ZNF624: variants seen among roughly 807,000 people sequenced by gnomAD.
The protein encoded by ZNF624 is zinc finger protein 624.
In ZNF624, 43 loss-of-function variants were observed where a neutral mutation model predicts 74.7. The ratio of observed to expected loss-of-function variants is 0.58; its 90% CI spans 0.45 to 0.74. The LOEUF is 0.74. ZNF624 is among the 30% of genes least tolerant of loss of function. The pLI is 0.00. For synonymous variants in ZNF624, 331 were observed against 341.3 expected (o/e 0.97, Z 0.33); for missense variants, 820 against 1,030.0 (o/e 0.80, Z 2.79).
At position 16,623,868 on chromosome 17, in the gene ZNF624, C is replaced by A. The variant is rs745711921; in HGVS notation, c.1018G>T (p.Ala340Ser). The part of the protein sequence containing the change: ...KPYKCNECGK[A>S]FIASSSLMVH... ...ATAAGTGATGAAGAAGCAATGAAGG[C>A]CTTTCCACATTCATTACATTTATAG... The change falls in exon 6 of 6, where the codon GCC (alanine) becomes TCC (serine). Residue 340 changes from alanine to serine, a missense_variant. Transcript: ENST00000311331. This position sits in a 1 kb window ranked among gnomAD's most constrained non-coding sequence, Gnocchi z 5.3. The A allele has an allele frequency of 6.2e-7, 1 of 1,613,896 alleles. No individual in the cohort carries two copies. The highest frequency in any genetic ancestry group is 1.1e-5 in the South Asian group (1 of 91,042).
chr17:16,626,718 C>T (rs1336372158), intron 5 of ZNF624, among the ~76,000 whole-genome samples: 2 of 152,190 alleles, frequency 1.3e-5, no homozygotes, highest in African/African-American at 2.4e-5. Flanking sequence ...CATCACTGCA[C>T]TACAGCCTGG....
In ZNF624 at chr17:16,629,272, A is replaced by C. The variant is rs1909151752; in HGVS notation, c.376+4590T>G. ...TAAACAGTGTCTTGCTCTGTCACCC[A>C]GGCTGGAGTGCAGTGGATTGGATTA... On this transcript the variant is annotated intron_variant, in intron 5 of 5. Transcript: ENST00000311331. 3.4e-5 allele frequency among the ~76,000 whole-genome samples: 5 copies of C among 145,420 alleles called. No homozygotes were observed. The Admixed American group carries it at 3.4e-4, about 10-fold the overall frequency.
chr17:16,653,543 G>C (rs1466372177), intron 1 of ZNF624: 1 of 152,364 alleles, frequency 6.6e-6, no homozygotes, highest in South Asian at 2.1e-4. Flanking sequence ...CGGACTAGGA[G>C]GCCGCATAGG....
At chr17:16,644,141 T>C (rs1172719966) in intron 3 of ZNF624, among the ~76,000 whole-genome samples, 1 of 152,202 alleles carries the variant, frequency 6.6e-6, no homozygotes, top group East Asian at 1.9e-4. Context: ...CCTGAGGCCC[T>C]CACAAGATGC....
intron 3 of ZNF624, 27 bp from the exon 4 acceptor site, chr17:16,634,783 A>C: frequency 6.3e-7 from 1 of 1,595,714 alleles, no homozygotes; most frequent in Non-Finnish European, 8.5e-7. Flanking sequence ...GTGATCACTT[A>C]GAAACTATAC....
downstream of ZNF624, chr17:16,617,776 C>G: frequency 6.2e-7 from 1 of 1,610,960 alleles, no homozygotes. Flanking sequence ...AAGCCGTAGC[C>G]ATTTTTGAGG....
intron 5 of ZNF624, among the ~76,000 whole-genome samples, chr17:16,625,791 G>T (rs201064908): frequency 6.6e-6 from 1 of 151,804 alleles, no homozygotes; most frequent in Admixed American, 6.6e-5. Context: ...GTGGGATACT[G>T]GTCTTACAAT....
chr17:16,646,323 A>G (rs1006939304), intron 3 of ZNF624, among the ~76,000 whole-genome samples: 1 of 152,234 alleles, frequency 6.6e-6, no homozygotes, highest in African/African-American at 2.4e-5. Flanking sequence ...TTAAAAAATC[A>G]TTTCAAAAAT....
At chr17:16,615,190 C>T in the ZNF624 span, among the ~76,000 whole-genome samples, 1 of 152,124 alleles carries the variant, frequency 6.6e-6, no homozygotes, top group African/African-American at 2.4e-5. Context: ...CTCCGCCTCC[C>T]GGGTTCAGGC....
the ZNF624 span, among the ~76,000 whole-genome samples, chr17:16,615,161 G>A: frequency 6.6e-6 from 1 of 152,092 alleles, no homozygotes; most frequent in South Asian, 2.1e-4. Context: ...GCAGTGGTGC[G>A]ATCTGGGCTC....
At chr17:16,640,504 C>T (rs1271362661) in intron 3 of ZNF624, among the ~76,000 whole-genome samples, 1 of 151,636 alleles carries the variant, frequency 6.6e-6, no homozygotes, top group African/African-American at 2.4e-5. Context: ...AAATGGCAAA[C>T]CCTTAGCTAG....
At chr17:16,640,306 C>T (rs1909437024) in intron 3 of ZNF624, among the ~76,000 whole-genome samples, 1 of 151,444 alleles carries the variant, frequency 6.6e-6, no homozygotes. Flanking sequence ...AAAATGCCTA[C>T]AATTTAAAAA....
intron 5 of ZNF624, among the ~76,000 whole-genome samples, chr17:16,625,680 A>AGTG (rs1257636202): frequency 1.3e-5 from 2 of 152,226 alleles, no homozygotes; most frequent in Non-Finnish European, 2.9e-5. Context: ...TATTTCAAAT[A>AGTG]GTGGTAATTA....
At chr17:16,651,301 A>G (rs946164583) in intron 1 of ZNF624, among the ~76,000 whole-genome samples, 1 of 151,932 alleles carries the variant, frequency 6.6e-6, no homozygotes, top group Non-Finnish European at 1.5e-5. Flanking sequence ...GTGGTGGTGC[A>G]CGCCTGTAGT....
At chr17:16,632,525 T>A (rs527276336) in intron 5 of ZNF624, among the ~76,000 whole-genome samples, 2 of 152,350 alleles carry the variant, frequency 1.3e-5, no homozygotes, top group African/African-American at 2.4e-5. Flanking sequence ...ATCTCTAATG[T>A]CTACTTTTCA....
rs1330840005 is a variant in ZNF624 at position 16,623,808 on chromosome 17, A to G, written c.1078T>C (p.Tyr360His). Residue 360 changes from tyrosine (Y) to histidine (H), a missense_variant, in exon 6 of 6, where the codon TAT becomes CAT. Transcript: ENST00000311331. This position sits in a 1 kb window ranked among gnomAD's most constrained non-coding sequence, Gnocchi z 5.3. ...HQRIHTKEKP[Y>H]QCNVCGKSFS... is the part of the protein sequence containing the mutation. ...GATTTCCCACACACATTACACTGATAAGGTTTCTCTTTAGTGTGAATTCTC... is the reference window on the plus strand; with the variant it reads ...GATTTCCCACACACATTACACTGATGAGGTTTCTCTTTAGTGTGAATTCTC... 1 of 1,614,054 alleles carries G rather than the reference A, an allele frequency of 6.2e-7. No homozygotes were observed. Among genetic ancestry groups the G allele is most frequent in the Admixed American group, 1.7e-5 (1 of 60,030 alleles).
At chr17:16,649,629 T>TCC in intron 2 of ZNF624, 29 bp downstream of exon 2, 1 of 1,599,596 alleles carries the variant, frequency 6.3e-7, no homozygotes, top group Non-Finnish European at 8.6e-7. Context: ...ACCAAGATAG[T>TCC]AGGTCAAAAA....
chr17:16,652,952 A>T (rs367899361), intron 1 of ZNF624, among the ~76,000 whole-genome samples: 9 of 152,240 alleles, frequency 5.9e-5, no homozygotes, highest in East Asian at 3.8e-4. Context: ...TATGCAGAAG[A>T]TATCTAGGCC....
chr17:16,635,766 T>C (rs973071693), intron 3 of ZNF624, among the ~76,000 whole-genome samples: 1 of 152,078 alleles, frequency 6.6e-6, no homozygotes, highest in Non-Finnish European at 1.5e-5. Flanking sequence ...ACTAATATAT[T>C]TGGCATGGGA....
Sources: gnomAD v4.1 joint callset for allele counts (sites outside exome capture counted in the v4.1 genomes callset) on GRCh38, gnomAD v4.1.1 for gene constraint, Gnocchi (gnomAD v3.1) non-coding constraint, MANE v1.5 for transcripts, NCBI Gene and HGNC (gene_info 2026-07-23, HGNC 2026-07-21) for gene names.